The following KIAA1328 variants were observed in gnomAD, a reference collection of about 807,000 sequenced individuals.
KIAA1328 encodes the protein protein hinderin.
A neutral mutation model predicts 68.1 loss-of-function variants in KIAA1328; 52 were observed. That is an observed-to-expected ratio of 0.76 (90% CI 0.61 to 0.96). The LOEUF is 0.96. KIAA1328 is among the 40% of genes least tolerant of loss of function. The pLI is 0.00. For missense variants in KIAA1328, 641 were observed against 677.6 expected (o/e 0.95, Z 0.60); for synonymous variants, 232 against 239.4 (o/e 0.97, Z 0.28).
intron 6 of KIAA1328, among the ~76,000 whole-genome samples, chr18:37,050,755 T>C (rs532594718): frequency 6.6e-6 from 1 of 152,328 alleles, no homozygotes; most frequent in East Asian, 1.9e-4. Context: ...AGCATGTGAA[T>C]CACATAAGGC....
At chr18:36,904,063 T>C (rs1402676762) in intron 5 of KIAA1328, among the ~76,000 whole-genome samples, 2 of 152,150 alleles carry the variant, frequency 1.3e-5, no homozygotes, top group Non-Finnish European at 2.9e-5. Flanking sequence ...TAGAGAAATA[T>C]ATCCTTTTGC....
Position 37,059,922 on chromosome 18 carries a change from A to T in KIAA1328, c.577-6968A>T, listed in dbSNP as rs191875838. Among the ~76,000 whole-genome samples, 704 of 152,044 alleles carry T rather than the reference A, an allele frequency of 4.6e-3. 3 individuals carry two copies. The highest frequency in any genetic ancestry group is 0.016 in the African/African-American group (666 of 41,448). ...GATGAAGCTGGAAACCATCATTCTC[A>T]GCAAACTAACACAGGAACAGAAAAC... On this transcript the variant is annotated intron_variant, in intron 6 of 9. Coordinates refer to ENST00000280020, the MANE Select transcript of KIAA1328 (RefSeq NM_020776.3).
chr18:37,224,789 G>A lies in KIAA1328; in HGVS notation c.*2562G>A, dbSNP rs942009951. ...CCCAAAGCAAGACTGGACACATGCC[G>A]AGGGCGTTGCGGATAGTGCCTCACC... On this transcript the variant is annotated 3_prime_UTR_variant, in exon 10 of 10. Coordinates refer to ENST00000280020, the MANE Select transcript of KIAA1328 (RefSeq NM_020776.3). 1.3e-5 allele frequency: 13 copies of A among 985,268 alleles called. No homozygotes were observed. The highest frequency in any genetic ancestry group is 1.4e-5 in the Non-Finnish European group (12 of 829,954). 61.0% of individuals were successfully genotyped at this position (985,268 alleles called of 1,614,324 possible).
At chr18:36,857,043 A>G (rs960483278) in intron 4 of KIAA1328, among the ~76,000 whole-genome samples, 2 of 152,112 alleles carry the variant, frequency 1.3e-5, no homozygotes, top group African/African-American at 4.8e-5. Context: ...TATTCCTTCA[A>G]CGTTCAGCCA....
chr18:36,882,018 C>T (rs949973246), intron 4 of KIAA1328, among the ~76,000 whole-genome samples: 1 of 152,168 alleles, frequency 6.6e-6, no homozygotes, highest in Non-Finnish European at 1.5e-5. Context: ...GAAGAACTGC[C>T]AGACTTGAAG....
At chr18:36,976,371 A>G (rs1032273166) in intron 6 of KIAA1328, among the ~76,000 whole-genome samples, 1 of 152,180 alleles carries the variant, frequency 6.6e-6, no homozygotes, top group Non-Finnish European at 1.5e-5. Flanking sequence ...AATTGGTGAT[A>G]TATTACATAT....
In KIAA1328 at chr18:37,017,323, A is replaced by G. The variant is rs2054186036; in HGVS notation, c.577-49567A>G. 1.3e-5 allele frequency among the ~76,000 whole-genome samples: 2 copies of G among 152,140 alleles called. 1 individual carries two copies. Among genetic ancestry groups the G allele is most frequent in the South Asian group, 4.1e-4 (2 of 4,830 alleles). ...CTATTTTCATTCCACAGTGGTCTGA[A>G]AGTATGGTTGATACGATTTCAATTT... On this transcript the variant is annotated intron_variant, in intron 6 of 9. Coordinates refer to ENST00000280020, the MANE Select transcript of KIAA1328 (RefSeq NM_020776.3).
chr18:37,035,844 C>T (rs377160820), intron 6 of KIAA1328, among the ~76,000 whole-genome samples: 44 of 152,284 alleles, frequency 2.9e-4, no homozygotes, highest in African/African-American at 1.0e-3. Flanking sequence ...TTGAAATGTA[C>T]TAAAGTGAGA....
At chr18:36,971,374 G>A (rs1012041782) in intron 6 of KIAA1328, among the ~76,000 whole-genome samples, 16 of 152,080 alleles carry the variant, frequency 1.1e-4, no homozygotes, top group Non-Finnish European at 1.8e-4. Context: ...TACCATTCAC[G>A]ACATAGGCAC....
chr18:37,060,262 A>C (rs1400056952), intron 6 of KIAA1328, among the ~76,000 whole-genome samples: 1 of 152,168 alleles, frequency 6.6e-6, no homozygotes, highest in Non-Finnish European at 1.5e-5. Context: ...TAATTTGTAC[A>C]AAGTTGTTCC....
At chr18:36,933,242 T>C (rs1252375325) in intron 5 of KIAA1328, among the ~76,000 whole-genome samples, 1 of 152,334 alleles carries the variant, frequency 6.6e-6, no homozygotes, top group East Asian at 1.9e-4. Flanking sequence ...TGTATCTATT[T>C]CTTAACTGTG....
intron 6 of KIAA1328, among the ~76,000 whole-genome samples, chr18:37,007,048 A>C (rs780411995): frequency 6.6e-6 from 1 of 152,168 alleles, no homozygotes; most frequent in African/African-American, 2.4e-5. Context: ...CTCTGTTGCT[A>C]AGACTTTTTA....
At chr18:37,131,965 T>C (rs1008895987) in intron 7 of KIAA1328, among the ~76,000 whole-genome samples, 7 of 152,214 alleles carry the variant, frequency 4.6e-5, no homozygotes, top group African/African-American at 1.7e-4. Flanking sequence ...TGCTCTATTA[T>C]GTGTCCTTTT....
chr18:36,860,974 C>A (rs568107238), intron 4 of KIAA1328, among the ~76,000 whole-genome samples: 1 of 152,224 alleles, frequency 6.6e-6, no homozygotes, highest in Non-Finnish European at 1.5e-5. Flanking sequence ...ATGTTAACAT[C>A]CTGAATAATC....
intron 6 of KIAA1328, among the ~76,000 whole-genome samples, chr18:36,986,357 G>A (rs968822394): frequency 8.8e-4 from 133 of 151,644 alleles, no homozygotes; most frequent in Admixed American, 7.2e-4. Context: ...AGATTTAAAC[G>A]TTAGACCTAA....
At chr18:36,973,239 C>T (rs1441303868) in intron 6 of KIAA1328, among the ~76,000 whole-genome samples, 1 of 151,818 alleles carries the variant, frequency 6.6e-6, no homozygotes, top group Non-Finnish European at 1.5e-5. Flanking sequence ...AAACCAAACT[C>T]CGCATGTTCT....
At chr18:36,984,761 C>G (rs1026242381) in intron 6 of KIAA1328, among the ~76,000 whole-genome samples, 2 of 151,878 alleles carry the variant, frequency 1.3e-5, no homozygotes, top group African/African-American at 4.8e-5. Flanking sequence ...CAAAAATTAG[C>G]TGGGTGTGAT....
At chr18:37,216,786 G>A (rs2060444073) in intron 9 of KIAA1328, among the ~76,000 whole-genome samples, 1 of 151,860 alleles carries the variant, frequency 6.6e-6, no homozygotes, top group South Asian at 2.1e-4. Flanking sequence ...TACTCTCTGA[G>A]GACTTGCTTT....
chr18:37,105,532 G>A lies in KIAA1328; in HGVS notation c.1232+37987G>A, dbSNP rs1044720863. Among the ~76,000 whole-genome samples the A allele has an allele frequency of 6.1e-5, 9 of 147,946 alleles. No individual in the cohort carries two copies. The East Asian group carries it at 1.8e-3, about 29-fold the overall frequency. ...AAAAAAAAAAAAAAAGAGCACTACT[G>A]CAGAAAAGTATTTGCTATTAATTGA... On this transcript the variant is annotated intron_variant, in intron 7 of 9. Transcript: ENST00000280020.
Sources: allele counts gnomAD v4.1 joint callset (sites outside exome capture counted in the v4.1 genomes callset), GRCh38; gene constraint gnomAD v4.1.1; transcripts MANE v1.5; gene names NCBI Gene and HGNC (gene_info 2026-07-23, HGNC 2026-07-21).